Variants in RGS6 observed in about 807,000 individuals in gnomAD.
RGS6 encodes regulator of G-protein signaling 6.
A neutral mutation model predicts 78.5 loss-of-function variants in RGS6; 30 were observed. The ratio of observed to expected loss-of-function variants is 0.38; its 90% confidence interval spans 0.29 to 0.52. The LOEUF (loss-of-function observed/expected upper bound fraction) is 0.52, where lower values mean the gene tolerates loss of function less well. Among genes scored for constraint, RGS6 ranks in the 20% least tolerant of loss-of-function variants. The probability of loss-of-function intolerance (pLI) is 0.85; values close to 1 mark genes in which losing one functional copy is unlikely to be tolerated. For synonymous variants in RGS6, 206 were observed against 206.0 expected (o/e 1.00, Z 0.00); for missense variants, 495 against 609.7 (o/e 0.81, Z 1.98).
At chr14:72,176,644 A>G (rs1316672222) in intron 2 of RGS6, among the ~76,000 whole-genome samples, 3 of 152,250 alleles carry the variant, frequency 2.0e-5, no homozygotes, top group African/African-American at 7.2e-5. Context: ...AAGCTGGGAA[A>G]GAGTGAGCTT....
chr14:72,435,911 G>C (rs895284668), intron 3 of RGS6, among the ~76,000 whole-genome samples: 3 of 152,056 alleles, frequency 2.0e-5, no homozygotes, highest in African/African-American at 7.3e-5. Flanking sequence ...GCCATGTAAG[G>C]TATCATATTC....
rs781440339 is a variant in RGS6 at position 72,472,879 on chromosome 14, C to T, written c.544C>T (p.Arg182Trp). Reference sequence around the variant, plus strand: ...CTCTCTTTACTCTTTCAGGATTGACCGGAAAAAAGACAAGACAGAAAGGAA... The same window carrying T: ...CTCTCTTTACTCTTTCAGGATTGACTGGAAAAAAGACAAGACAGAAAGGAA... ...MQAEAQVKID[R>W]KKDKTERKIL... Residue 182 changes from arginine (R) to tryptophan (W), a missense_variant, in exon 9 of 18, where the codon CGG becomes TGG. By Grantham distance (101) the Arg-to-Trp change is moderately radical. Transcript: ENST00000553525. 3.7e-6 allele frequency: 6 copies of T among 1,610,384 alleles called. No homozygotes were observed. In the African/African-American group the frequency reaches 4.0e-5, roughly 11 times the overall value.
In RGS6 at chr14:72,385,068, G is replaced by A. The variant is rs563341724; in HGVS notation, c.184+32874G>A. 1.7e-4 allele frequency among the ~76,000 whole-genome samples: 26 copies of A among 152,150 alleles called. No individual in the cohort carries two copies. In the South Asian group the frequency reaches 4.6e-3, roughly 27 times the overall value. On this transcript the variant is annotated intron_variant, in intron 3 of 17. Transcript: ENST00000553525. ...CCTGGCCGGTTTGCATATTTGTAAC[G>A]GTGTCTTTAGCACCTGCCCGTCATC...
intron 17 of RGS6, chr14:72,540,754 C>G: frequency 1.6e-6 from 2 of 1,257,272 alleles, no homozygotes; most frequent in South Asian, 2.7e-5. Flanking sequence ...TGGGTACTCC[C>G]CGGGGGCAAG....
chr14:72,342,565 T>TAA (rs369765140), intron 2 of RGS6, among the ~76,000 whole-genome samples: 56,715 of 133,062 alleles, frequency 0.43, 11,886 homozygotes, highest in South Asian at 0.56. Context: ...GACTCTGTCT[T>TAA]AAAAAAAAAA....
At chr14:72,169,949 G>A (rs562159057) in intron 2 of RGS6, among the ~76,000 whole-genome samples, 1 of 152,240 alleles carries the variant, frequency 6.6e-6, no homozygotes, top group East Asian at 1.9e-4. Flanking sequence ...GAGAAATATT[G>A]CCCTTTGAGA....
chr14:72,379,045 TATA>T (rs1393420278), intron 3 of RGS6, among the ~76,000 whole-genome samples: 1 of 152,108 alleles, frequency 6.6e-6, no homozygotes, highest in Non-Finnish European at 1.5e-5. Context: ...AATCAATAAA[TATA>T]ATACATCACA....
chr14:72,612,106 C>T, the RGS6 span, among the ~76,000 whole-genome samples: 7 of 152,160 alleles, frequency 4.6e-5, no homozygotes, highest in Non-Finnish European at 8.8e-5. Context: ...TCATGGCAGG[C>T]AAAAGATGGG....
chr14:72,302,949 C>G (rs755460359), intron 2 of RGS6, among the ~76,000 whole-genome samples: 1 of 152,184 alleles, frequency 6.6e-6, no homozygotes, highest in Non-Finnish European at 1.5e-5. Flanking sequence ...AGGGCTGTTC[C>G]CCTGTACGTG....
intron 2 of RGS6, among the ~76,000 whole-genome samples, chr14:72,013,063 G>C (rs1415415096): frequency 6.6e-6 from 1 of 151,974 alleles, no homozygotes; most frequent in Non-Finnish European, 1.5e-5. Context: ...CTGAGGTCAG[G>C]AGTTTGAGAC....
intron 2 of RGS6, among the ~76,000 whole-genome samples, chr14:72,259,569 T>C (rs2057729283): frequency 6.6e-6 from 1 of 152,202 alleles, no homozygotes; most frequent in South Asian, 2.1e-4. Flanking sequence ...ATTAGAATAT[T>C]GAAGTTACTG....
rs372658927 is a variant in RGS6 at position 72,560,602 on chromosome 14, T to C, written c.1423-1815T>C. Among the ~76,000 whole-genome samples, 218 of 152,320 alleles carry C rather than the reference T, an allele frequency of 1.4e-3. 1 individual carries two copies. Among genetic ancestry groups the C allele is most frequent in the African/African-American group, 5.2e-3 (215 of 41,584 alleles). ...GTCAGCCTCTGCCTTCTAAGAGCTA[T>C]TGTTGTACCTAACCTGGTCTAGACA... On this transcript the variant is annotated intron_variant, in intron 17 of 17. Coordinates refer to ENST00000553525, the MANE Select transcript of RGS6 (RefSeq NM_001204424.2).
chr14:72,006,706 C>T (rs1039723700), intron 2 of RGS6, among the ~76,000 whole-genome samples: 4 of 152,132 alleles, frequency 2.6e-5, no homozygotes, highest in Admixed American at 6.5e-5. Flanking sequence ...TCAGAAAATA[C>T]GTGAAACAAT....
chr14:72,442,872 C>T (rs1024296815), intron 3 of RGS6, among the ~76,000 whole-genome samples: 2 of 152,160 alleles, frequency 1.3e-5, no homozygotes, highest in African/African-American at 4.8e-5. Context: ...TCAGGCTTCT[C>T]GTCATATTTT....
At position 72,548,327 on chromosome 14, in the gene RGS6, T is replaced by TTGTG. The variant is rs369257899; in HGVS notation, c.1422+8246_1422+8249dup. ...CAGATAGCATTTTACCAGATCATATTTGTGTGTGTGTGTGTGCGCGCGTGT... is the reference window on the plus strand; with the variant it reads ...CAGATAGCATTTTACCAGATCATATTTGTGTGTGTGTGTGTGTGTGCGCGCGTGT... On this transcript the variant is annotated intron_variant, in intron 17 of 17. Transcript: ENST00000553525. Among the ~76,000 whole-genome samples, 89 of 147,264 alleles carry TTGTG rather than the reference T, an allele frequency of 6.0e-4. No individual in the cohort carries two copies. In the South Asian group the frequency reaches 8.3e-3, roughly 14 times the overall value.
At position 72,335,384 on chromosome 14, in the gene RGS6, T is replaced by C. The variant is rs151057453; in HGVS notation, c.85-16711T>C. 2.9e-4 allele frequency among the ~76,000 whole-genome samples: 44 copies of C among 152,272 alleles called. 1 individual carries two copies. The East Asian group carries it at 6.8e-3, about 23-fold the overall frequency. Reference sequence around the variant, plus strand: ...TTCTGGGTTCCCTGATGAGAGTTAGTTCCTTTTAGGGACTAATTCGTCCTA... The same window carrying C: ...TTCTGGGTTCCCTGATGAGAGTTAGCTCCTTTTAGGGACTAATTCGTCCTA... On this transcript the variant is annotated intron_variant, in intron 2 of 17. Transcript: ENST00000553525.
chr14:72,168,619 T>G (rs2096963488), intron 2 of RGS6, among the ~76,000 whole-genome samples: 1 of 152,220 alleles, frequency 6.6e-6, no homozygotes. Context: ...AAATAAAATA[T>G]ATAATTAAAT....
chr14:72,294,304 G>A (rs966971737), intron 2 of RGS6, among the ~76,000 whole-genome samples: 2 of 152,222 alleles, frequency 1.3e-5, no homozygotes, highest in Non-Finnish European at 2.9e-5. Context: ...AAACATGGCT[G>A]CCTTAGCCCA....
intron 2 of RGS6, among the ~76,000 whole-genome samples, chr14:72,142,415 A>G (rs1229403822): frequency 6.6e-6 from 1 of 152,182 alleles, no homozygotes; most frequent in African/African-American, 2.4e-5. Flanking sequence ...AGTGATTAAA[A>G]TAAATATACC....
Sources: allele counts gnomAD v4.1 joint callset (sites outside exome capture counted in the v4.1 genomes callset), GRCh38; gene constraint gnomAD v4.1.1; transcripts MANE v1.5; gene names NCBI Gene and HGNC (gene_info 2026-07-23, HGNC 2026-07-21).